CHRM3: variants seen among roughly 807,000 people sequenced by gnomAD.
CHRM3 encodes the protein cholinergic receptor muscarinic 3.
CHRM3 carries 11 observed loss-of-function variants against 41.8 expected under a neutral mutation model. That is an observed-to-expected ratio of 0.26 (90% confidence interval 0.17 to 0.44). The LOEUF (loss-of-function observed/expected upper bound fraction) is 0.44, where lower values mean the gene tolerates loss of function less well. Ranked by LOEUF, CHRM3 falls within the 20% of genes least tolerant of loss-of-function variation. The probability of loss-of-function intolerance (pLI) is 1.00; values close to 1 mark genes in which losing one functional copy is unlikely to be tolerated. For missense variants in CHRM3, 571 were observed against 745.4 expected (o/e 0.77, Z 2.72); for synonymous variants, 297 against 301.4 (o/e 0.99, Z 0.15).
chr1:239,832,282 A>G (rs1250307677), intron 6 of CHRM3, among the ~76,000 whole-genome samples: 1 of 152,186 alleles, frequency 6.6e-6, no homozygotes, highest in Non-Finnish European at 1.5e-5. Context: ...TGAGAAAAAA[A>G]AACAACTGCC....
At chr1:239,585,221 A>C (rs1376641992) in intron 3 of CHRM3, among the ~76,000 whole-genome samples, 1 of 152,134 alleles carries the variant, frequency 6.6e-6, no homozygotes, top group Non-Finnish European at 1.5e-5. Context: ...TTCTATTTGA[A>C]TAATGACTGG....
chr1:239,827,631 C>T (rs1479776838), intron 6 of CHRM3, among the ~76,000 whole-genome samples: 4 of 152,178 alleles, frequency 2.6e-5, no homozygotes, highest in East Asian at 3.9e-4. Flanking sequence ...AGAAATAGCA[C>T]GTTTCACTAA....
At chr1:239,529,431 G>A (rs1230256046) in intron 2 of CHRM3, among the ~76,000 whole-genome samples, 1 of 151,996 alleles carries the variant, frequency 6.6e-6, no homozygotes, top group African/African-American at 2.4e-5. Flanking sequence ...GACCAACATG[G>A]TGAATGCCTG....
At chr1:239,580,126 C>G (rs1040299453) in intron 3 of CHRM3, among the ~76,000 whole-genome samples, 4 of 152,058 alleles carry the variant, frequency 2.6e-5, no homozygotes, top group Admixed American at 1.3e-4. Flanking sequence ...TCCATATTGT[C>G]TATTACTTAC....
intron 1 of CHRM3, among the ~76,000 whole-genome samples, chr1:239,475,954 C>T (rs1276268988): frequency 6.6e-6 from 1 of 151,914 alleles, no homozygotes; most frequent in Non-Finnish European, 1.5e-5. Flanking sequence ...TTTGGTCTCC[C>T]CCAATCATGA....
At chr1:239,895,887 G>A (rs1249873617) in intron 6 of CHRM3, among the ~76,000 whole-genome samples, 1 of 152,072 alleles carries the variant, frequency 6.6e-6, no homozygotes, top group Non-Finnish European at 1.5e-5. Context: ...TTACATGAGT[G>A]ACAAAATAAT....
At chr1:239,605,695 G>A (rs1426142589) in intron 3 of CHRM3, among the ~76,000 whole-genome samples, 1 of 152,098 alleles carries the variant, frequency 6.6e-6, no homozygotes, top group African/African-American at 2.4e-5. Context: ...TTCATTTAAA[G>A]TTGGAATTTT....
At chr1:239,391,889 C>T (rs1298053409) in intron 1 of CHRM3, among the ~76,000 whole-genome samples, 2 of 152,170 alleles carry the variant, frequency 1.3e-5, no homozygotes, top group Non-Finnish European at 2.9e-5. Flanking sequence ...GCATGGGACT[C>T]AGGAGCCTGG....
At chr1:239,755,976 G>T (rs763680537) in intron 5 of CHRM3, among the ~76,000 whole-genome samples, 1 of 152,140 alleles carries the variant, frequency 6.6e-6, no homozygotes, top group African/African-American at 2.4e-5. Context: ...AAACTATATA[G>T]ATGAGGCAGT....
At chr1:239,508,676 C>T (rs142851580) in intron 2 of CHRM3, among the ~76,000 whole-genome samples, 309 of 152,188 alleles carry the variant, frequency 2.0e-3, no homozygotes, top group African/African-American at 6.4e-3. Flanking sequence ...AGCTTATTAG[C>T]GAAGTGCTTT....
intron 5 of CHRM3, among the ~76,000 whole-genome samples, chr1:239,747,110 TAAAG>T (rs1665436364): frequency 6.6e-6 from 1 of 152,158 alleles, no homozygotes; most frequent in Non-Finnish European, 1.5e-5. Context: ...GATGAATAAT[TAAAG>T]AAATTACAAG....
chr1:239,515,411 TG>T (rs1335118331), intron 2 of CHRM3, among the ~76,000 whole-genome samples: 8 of 140,312 alleles, frequency 5.7e-5, no homozygotes, highest in South Asian at 2.3e-4. Context: ...ATGTTTTTTT[TG>T]TTTTTTTTTT....
chr1:239,600,368 A>C (rs1046531695), intron 3 of CHRM3, among the ~76,000 whole-genome samples: 2 of 151,678 alleles, frequency 1.3e-5, no homozygotes, highest in African/African-American at 4.8e-5. Flanking sequence ...AACTTCAGCC[A>C]TACTCCATTT....
At chr1:239,572,370 T>C (rs1661909049) in intron 3 of CHRM3, among the ~76,000 whole-genome samples, 2 of 152,246 alleles carry the variant, frequency 1.3e-5, no homozygotes, top group African/African-American at 4.8e-5. Flanking sequence ...TTACTAATTT[T>C]CTGACTGAAA....
At chr1:239,619,692 T>TA (rs1668141768) in intron 3 of CHRM3, among the ~76,000 whole-genome samples, 1 of 152,140 alleles carries the variant, frequency 6.6e-6, no homozygotes, top group Non-Finnish European at 1.5e-5. Context: ...TTTTCCCCTT[T>TA]AAAATTGGTT....
intron 1 of CHRM3, among the ~76,000 whole-genome samples, chr1:239,485,572 A>T (rs905969161): frequency 6.6e-6 from 1 of 152,174 alleles, no homozygotes; most frequent in African/African-American, 2.4e-5. Flanking sequence ...GAGCCACCAC[A>T]CCTGGCTCCC....
chr1:239,690,904 G>T (rs1659653420), intron 5 of CHRM3, among the ~76,000 whole-genome samples: 1 of 151,986 alleles, frequency 6.6e-6, no homozygotes, highest in Non-Finnish European at 1.5e-5. Flanking sequence ...GATCCAGTGG[G>T]TTAATGAGCA....
intron 2 of CHRM3, among the ~76,000 whole-genome samples, chr1:239,541,202 TA>T (rs11353231): frequency 1 from 152,229 of 152,236 alleles, 76,111 homozygotes; most frequent in Non-Finnish European, 1. Context: ...AGTGAGGACT[TA>T]ACTGTACTAA....
chr1:239,758,092 C>T (rs935238795), intron 5 of CHRM3, among the ~76,000 whole-genome samples: 2 of 152,188 alleles, frequency 1.3e-5, no homozygotes, highest in Admixed American at 6.5e-5. Context: ...ATACCTTATA[C>T]AACTCTCCTG....
Sources: allele counts gnomAD v4.1 joint callset (sites outside exome capture counted in the v4.1 genomes callset), GRCh38; gene constraint gnomAD v4.1.1; transcripts MANE v1.5; gene names NCBI Gene and HGNC (gene_info 2026-07-23, HGNC 2026-07-21).